The following WWC2 variants were observed in gnomAD, a reference collection of about 807,000 sequenced individuals.
The protein encoded by WWC2 is WW and C2 domain containing 2.
Under a neutral mutation model 138.5 loss-of-function variants are expected in WWC2, and 101 were observed. The ratio of observed to expected loss-of-function variants is 0.73; its 90% CI spans 0.62 to 0.86. WWC2 has a LOEUF of 0.86. WWC2 is among the 40% of genes least tolerant of loss of function. The pLI is 0.00. For synonymous variants in WWC2, 558 were observed against 538.4 expected, an observed-to-expected ratio of 1.04 and a Z score of -0.50; for missense variants, 1,420 against 1,419.4, an observed-to-expected ratio of 1.00 and a Z score of -0.01.
intron 21 of WWC2, among the ~76,000 whole-genome samples, chr4:183,292,819 G>A (rs1344769551): frequency 3.3e-5 from 5 of 152,080 alleles, no homozygotes; most frequent in South Asian, 4.1e-4. Context: ...AAGGAAAATC[G>A]CAGGCCAGGC....
chr4:183,261,862 G>A (rs1737340539), intron 11 of WWC2, among the ~76,000 whole-genome samples: 2 of 152,186 alleles, frequency 1.3e-5, no homozygotes, highest in African/African-American at 4.8e-5. Flanking sequence ...AGGCAAAGAA[G>A]AGGATTTTCT....
intron 3 of WWC2, among the ~76,000 whole-genome samples, chr4:183,208,486 A>G (rs1448869878): frequency 6.6e-6 from 1 of 152,116 alleles, no homozygotes; most frequent in Non-Finnish European, 1.5e-5. Flanking sequence ...CAATATTTTT[A>G]GTGGGGAGGA....
chr4:183,189,036 A>AT (rs1189039742), intron 1 of WWC2, among the ~76,000 whole-genome samples: 2 of 151,742 alleles, frequency 1.3e-5, no homozygotes, highest in Non-Finnish European at 2.9e-5. Flanking sequence ...GGTTTGTATA[A>AT]TTTTTCTTGA....
chr4:183,145,497 A>G (rs1733427796), intron 1 of WWC2, among the ~76,000 whole-genome samples: 1 of 152,232 alleles, frequency 6.6e-6, no homozygotes, highest in African/African-American at 2.4e-5. Flanking sequence ...AACTGAGATC[A>G]TAATTACATA....
At chr4:183,131,494 A>G (rs1187812225) in intron 1 of WWC2, among the ~76,000 whole-genome samples, 2 of 152,092 alleles carry the variant, frequency 1.3e-5, no homozygotes, top group Non-Finnish European at 2.9e-5. Flanking sequence ...TGAAATTCCT[A>G]GATGGGGTTT....
At chr4:183,260,121 G>A (rs920434541) in intron 10 of WWC2, among the ~76,000 whole-genome samples, 7 of 151,882 alleles carry the variant, frequency 4.6e-5, no homozygotes, top group African/African-American at 1.5e-4. Flanking sequence ...CGAACCCAAG[G>A]GTCTTTTGTG....
chr4:183,263,453 A>C (rs552686334), intron 11 of WWC2, among the ~76,000 whole-genome samples: 24 of 152,344 alleles, frequency 1.6e-4, no homozygotes, highest in African/African-American at 5.5e-4. Context: ...GGATGGAGAC[A>C]GTATCTCTGA....
chr4:183,149,715 G>A (rs1444835817), intron 1 of WWC2, among the ~76,000 whole-genome samples: 1 of 122,022 alleles, frequency 8.2e-6, no homozygotes, highest in Non-Finnish European at 1.7e-5. Flanking sequence ...GTGCAAGTTT[G>A]TATTTCTTGT....
intron 1 of WWC2, among the ~76,000 whole-genome samples, chr4:183,120,696 C>T (rs1173355667): frequency 6.6e-6 from 1 of 152,028 alleles, no homozygotes; most frequent in Non-Finnish European, 1.5e-5. Context: ...TTTAATTTTA[C>T]CTTATCTTTA....
chr4:183,218,980 A>G (rs1164068202), intron 4 of WWC2, among the ~76,000 whole-genome samples: 1 of 152,252 alleles, frequency 6.6e-6, no homozygotes. Context: ...AAAATATGGC[A>G]TATACATATA....
Position 183,278,808 on chromosome 4 carries a change from T to C in WWC2, c.2563-1968T>C, listed in dbSNP as rs376588525. ...TGTTGTTGGTGTATAAGAATGCTTG[T>C]GATTTTTGTACATTGATTTTGTATG... On this transcript the variant is annotated intron_variant, in intron 16 of 22. Transcript: ENST00000403733. Among the ~76,000 whole-genome samples the C allele has an allele frequency of 9.2e-5, 14 of 151,842 alleles. No individual in the cohort carries two copies. The East Asian group carries it at 2.5e-3, about 27-fold the overall frequency.
At position 183,315,826 on chromosome 4, in the gene WWC2, T is replaced by C; in HGVS notation, c.*97T>C. 1 of 951,326 alleles carries C rather than the reference T, an allele frequency of 1.1e-6. No homozygotes were observed. The highest frequency in any genetic ancestry group is 1.5e-6 in the Non-Finnish European group (1 of 645,300). The allele number at this position is 951,326 out of a possible 1,614,324, so 58.9% of individuals were successfully genotyped here. A position where few individuals can be genotyped will look rare whatever the true frequency, so the allele number is the denominator to read the frequency against. ...TTTTTGTTTTGGTGTTTGGTTTTTT[T>C]TGGTAACGTAACTGTCAACTCTTGA... On this transcript the variant is annotated 3_prime_UTR_variant, in exon 23 of 23. Transcript: ENST00000403733.
intron 1 of WWC2, among the ~76,000 whole-genome samples, chr4:183,107,592 GTTGCTA>G (rs913309263): frequency 6.6e-6 from 1 of 152,100 alleles, no homozygotes; most frequent in Admixed American, 6.6e-5. Flanking sequence ...TTTTATAGCT[GTTGCTA>G]TTCTGCCCCC....
chr4:183,280,941 G>A (rs764229072), intron 17 of WWC2, 44 bp downstream of exon 17: 2 of 1,529,044 alleles, frequency 1.3e-6, no homozygotes, highest in South Asian at 2.5e-5. Context: ...CAAAGATGAT[G>A]TGTTTACACG....
At chr4:183,134,389 A>G (rs979424598) in intron 1 of WWC2, among the ~76,000 whole-genome samples, 7 of 151,656 alleles carry the variant, frequency 4.6e-5, no homozygotes, top group Admixed American at 6.6e-5. Flanking sequence ...TTTAAAAGTT[A>G]TGCTTATTAG....
chr4:183,186,900 A>G (rs1401842030), intron 1 of WWC2, among the ~76,000 whole-genome samples: 1 of 152,190 alleles, frequency 6.6e-6, no homozygotes, highest in African/African-American at 2.4e-5. Context: ...TGAGGACCCA[A>G]GCAGGTGCAG....
chr4:183,220,709 C>T (rs967821274), intron 4 of WWC2, among the ~76,000 whole-genome samples: 27 of 152,002 alleles, frequency 1.8e-4, no homozygotes, highest in East Asian at 1.6e-3. Context: ...TGGCGGGCGC[C>T]TGTAGTCCCA....
At chr4:183,269,409 T>G in intron 15 of WWC2, 1 of 630,732 alleles carries the variant, frequency 1.6e-6, no homozygotes. Context: ...TTTCTACCTT[T>G]TCACCACAGA....
chr4:183,214,077 C>T (rs1424630437), intron 4 of WWC2, among the ~76,000 whole-genome samples: 2 of 152,124 alleles, frequency 1.3e-5, no homozygotes, highest in Non-Finnish European at 2.9e-5. Context: ...TTTAGAAATA[C>T]TAATGTATTT....
Sources: allele counts gnomAD v4.1 joint callset (sites outside exome capture counted in the v4.1 genomes callset), GRCh38; gene constraint gnomAD v4.1.1; transcripts MANE v1.5; gene names NCBI Gene and HGNC (gene_info 2026-07-23, HGNC 2026-07-21).